The following RELN variants were observed in gnomAD, a reference collection of about 807,000 sequenced individuals.
RELN encodes reelin.
In RELN, 108 loss-of-function variants were observed where a neutral mutation model predicts 427.6. The observed-to-expected ratio is 0.25, with a 90% CI of 0.22 to 0.30. The LOEUF (loss-of-function observed/expected upper bound fraction) is 0.30. Among genes scored for constraint, RELN ranks in the 10% least tolerant of loss-of-function variants. The probability of loss-of-function intolerance (pLI) is 1.00; values close to 1 mark genes in which losing one functional copy is unlikely to be tolerated. For missense variants in RELN, 3,715 were observed against 4,302.8 expected (o/e 0.86, Z 3.82); for synonymous variants, 1,524 against 1,513.4 (o/e 1.01, Z -0.16).
intron 2 of RELN, among the ~76,000 whole-genome samples, chr7:103,840,740 T>A (rs1793532805): frequency 6.6e-6 from 1 of 152,198 alleles, no homozygotes; most frequent in African/African-American, 2.4e-5. Flanking sequence ...AATTAATATA[T>A]GTAAGTTGGA....
At chr7:103,872,311 G>A (rs1206138200) in intron 2 of RELN, among the ~76,000 whole-genome samples, 1 of 135,822 alleles carries the variant, frequency 7.4e-6, no homozygotes, top group Non-Finnish European at 1.6e-5. Context: ...AGAATATGCG[G>A]TGTTTGGTTT....
At chr7:103,926,160 G>A (rs141633045) in intron 1 of RELN, among the ~76,000 whole-genome samples, 1,754 of 139,174 alleles carry the variant, frequency 0.013, 32 homozygotes, top group African/African-American at 0.045. Context: ...GAGTGCAGTG[G>A]CACAATCTTG....
In RELN at chr7:103,490,839, C is replaced by T. The variant is rs575743816; in HGVS notation, c.9444-10G>A. 1.2e-6 allele frequency: 2 copies of T among 1,613,940 alleles called. No homozygotes were observed. ...CTGCCAGGAATCCGATCTGCAGAAA[C>T]CAAAAGGCTTTGTTAGACAAATTGT... On this transcript the variant is annotated splice_polypyrimidine_tract_variant and intron_variant, in intron 58 of 64. Transcript: ENST00000428762.
chr7:103,635,350 A>C, intron 19 of RELN, 75 bp downstream of exon 19: 17 of 1,507,886 alleles, frequency 1.1e-5, no homozygotes, highest in South Asian at 2.3e-5. Flanking sequence ...CTAGAATTTT[A>C]TACCATTTGA....
At chr7:103,705,354 AC>A (rs2115818653) in intron 8 of RELN, among the ~76,000 whole-genome samples, 1 of 152,274 alleles carries the variant, frequency 6.6e-6, no homozygotes, top group African/African-American at 2.4e-5. Flanking sequence ...AAACAAACAA[AC>A]AAAAAAACCT....
chr7:103,535,264 T>C (rs1160634575), intron 46 of RELN, 52 bp downstream of exon 46: 1 of 1,551,604 alleles, frequency 6.4e-7, no homozygotes, highest in African/African-American at 1.4e-5. Flanking sequence ...GTTATCACAT[T>C]TGGGCTCACT....
intron 34 of RELN, among the ~76,000 whole-genome samples, chr7:103,564,559 G>C (rs1024598316): frequency 2.6e-5 from 4 of 152,158 alleles, no homozygotes; most frequent in Admixed American, 6.5e-5. Context: ...GCAGAAAGAG[G>C]GGGGAGGAAC....
intron 4 of RELN, among the ~76,000 whole-genome samples, chr7:103,766,874 G>A (rs957813723): frequency 1.3e-5 from 2 of 152,316 alleles, no homozygotes; most frequent in East Asian, 3.9e-4. Flanking sequence ...CTTTCCTCCT[G>A]ACATAAAACG....
intron 1 of RELN, among the ~76,000 whole-genome samples, chr7:103,929,394 T>C (rs1029555331): frequency 5.9e-5 from 9 of 152,120 alleles, no homozygotes; most frequent in Non-Finnish European, 1.2e-4. Context: ...ATAACCTTCT[T>C]TCGAATAGCT....
intron 1 of RELN, among the ~76,000 whole-genome samples, chr7:103,979,956 G>A (rs1237994069): frequency 6.6e-6 from 1 of 152,140 alleles, no homozygotes; most frequent in Non-Finnish European, 1.5e-5. Context: ...GAGGTCGGGA[G>A]TGCGAGACCA....
chr7:103,786,517 C>CAAAA (rs66567252), intron 3 of RELN, among the ~76,000 whole-genome samples: 1 of 98,588 alleles, frequency 1.0e-5, no homozygotes, highest in East Asian at 2.9e-4. Flanking sequence ...AAAATGGAAC[C>CAAAA]AAAAAAAAAA....
intron 10 of RELN, among the ~76,000 whole-genome samples, chr7:103,689,172 T>C (rs1833821186): frequency 6.6e-6 from 1 of 152,132 alleles, no homozygotes; most frequent in Non-Finnish European, 1.5e-5. Flanking sequence ...TAGTGCTGAT[T>C]TACTTCTTAA....
At chr7:103,976,156 C>G (rs1186619677) in intron 1 of RELN, among the ~76,000 whole-genome samples, 2 of 152,184 alleles carry the variant, frequency 1.3e-5, no homozygotes, top group Non-Finnish European at 2.9e-5. Context: ...TTCTCAAAGA[C>G]AGACTGGGAG....
At chr7:103,866,974 G>A (rs908993024) in intron 2 of RELN, among the ~76,000 whole-genome samples, 1 of 151,974 alleles carries the variant, frequency 6.6e-6, no homozygotes, top group East Asian at 1.9e-4. Context: ...AGATCAATAC[G>A]TTTCAAGGAT....
chr7:103,920,536 G>A (rs569759239), intron 1 of RELN, among the ~76,000 whole-genome samples: 1 of 151,020 alleles, frequency 6.6e-6, no homozygotes. Context: ...CTAAGTAGTG[G>A]GTATACACAT....
At chr7:103,817,689 G>C (rs1446567973) in intron 3 of RELN, among the ~76,000 whole-genome samples, 1 of 152,092 alleles carries the variant, frequency 6.6e-6, no homozygotes, top group Admixed American at 6.6e-5. Flanking sequence ...GCTCATGCCT[G>C]TAATCCCAGC....
intron 56 of RELN, among the ~76,000 whole-genome samples, chr7:103,496,314 T>C (rs546550180): frequency 1.3e-5 from 2 of 152,340 alleles, no homozygotes; most frequent in Admixed American, 6.5e-5. Context: ...ATTGAGCCTT[T>C]AACATGATTT....
chr7:103,668,126 A>C (rs762532709), intron 11 of RELN, among the ~76,000 whole-genome samples: 1 of 152,110 alleles, frequency 6.6e-6, no homozygotes. Context: ...GCTACTTGGG[A>C]GGCTGAGGCA....
At chr7:103,502,077 T>A (rs1829049063) in intron 52 of RELN, among the ~76,000 whole-genome samples, 10 of 152,212 alleles carry the variant, frequency 6.6e-5, no homozygotes. Context: ...GAAGACACCG[T>A]TCAACTTACA....
Sources: gnomAD v4.1 joint callset for allele counts (sites outside exome capture counted in the v4.1 genomes callset) on GRCh38, gnomAD v4.1.1 for gene constraint, MANE v1.5 for transcripts, NCBI Gene and HGNC (gene_info 2026-07-23, HGNC 2026-07-21) for gene names.